The following ASH1L variants were observed in gnomAD, a reference collection of about 807,000 sequenced individuals.
ASH1L encodes the protein ASH1 like histone lysine methyltransferase, also known as histone-lysine N-methyltransferase ASH1L.
In ASH1L, 23 loss-of-function variants were observed where a neutral mutation model predicts 269.0. That is an observed-to-expected ratio of 0.09 (90% CI 0.06 to 0.12). The LOEUF (loss-of-function observed/expected upper bound fraction) is 0.12, where lower values mean the gene tolerates loss of function less well. ASH1L is among the 10% of genes least tolerant of loss of function. The probability of loss-of-function intolerance (pLI) is 1.00; values close to 1 mark genes in which losing one functional copy is unlikely to be tolerated. For synonymous variants in ASH1L, 1,187 were observed against 1,253.5 expected (o/e 0.95, Z 1.12); for missense variants, 2,912 against 3,567.8 (o/e 0.82, Z 4.68).
intron 1 of ASH1L, among the ~76,000 whole-genome samples, chr1:155,522,718 G>A (rs1310902159): frequency 1.4e-5 from 2 of 146,220 alleles, no homozygotes; most frequent in Non-Finnish European, 3.0e-5. Flanking sequence ...ATGGAGTCTC[G>A]CTCTGTCGCC....
chr1:155,562,987 G>C (rs1429409952), upstream of ASH1L: 1 of 457,938 alleles, frequency 2.2e-6, no homozygotes, highest in East Asian at 6.9e-5. Context: ...GCAGGGGCAG[G>C]AGAGGAAGGG....
chr1:155,543,808 T>A (rs557190476), intron 1 of ASH1L, among the ~76,000 whole-genome samples: 1 of 152,048 alleles, frequency 6.6e-6, no homozygotes, highest in South Asian at 2.1e-4. Context: ...GATATGCACC[T>A]GTAGTCCCAG....
chr1:155,518,681 C>CG (rs1668657924), intron 2 of ASH1L, among the ~76,000 whole-genome samples: 1 of 5,216 alleles, frequency 1.9e-4, no homozygotes, highest in African/African-American at 9.7e-4. Context: ...AGCTTGAGAA[C>CG]GGGGGCGGTG....
chr1:155,380,446 CTTCA>C (rs1295797991), intron 7 of ASH1L, among the ~76,000 whole-genome samples: 7 of 152,016 alleles, frequency 4.6e-5, no homozygotes, highest in Non-Finnish European at 1.0e-4. Flanking sequence ...GGCACCTGCT[CTTCA>C]TTATTACACA....
At chr1:155,426,053 T>C (rs1344394621) in intron 5 of ASH1L, among the ~76,000 whole-genome samples, 3 of 151,848 alleles carry the variant, frequency 2.0e-5, no homozygotes, top group Non-Finnish European at 4.4e-5. Context: ...CATGCCCGGC[T>C]AATTTTATTT....
Position 155,335,803 on chromosome 1 carries a change from C to G in ASH1L, c.*1857G>C, listed in dbSNP as rs535858205. The G allele has an allele frequency of 6.6e-6, 1 of 152,164 alleles. No individual in the cohort carries two copies. Among genetic ancestry groups the G allele is most frequent in the African/African-American group, 2.4e-5 (1 of 41,218 alleles). 9.4% of individuals were successfully genotyped at this position (152,164 alleles called of 1,614,324 possible). A position where few individuals can be genotyped will look rare whatever the true frequency, so the allele number is the denominator to read the frequency against. The stretch of plus-strand genomic sequence containing the variant: ...TTTTTTAAAATTTTAGTGTTTAACA[C>G]TATAAAGGAAACATTGAATTTTAAT... On this transcript the variant is annotated 3_prime_UTR_variant, in exon 28 of 28. Coordinates refer to ENST00000392403, the MANE Select transcript of ASH1L (RefSeq NM_018489.3).
At position 155,364,595 on chromosome 1, in the gene ASH1L, A is replaced by G. The variant is rs184839450; in HGVS notation, c.6687-4186T>C. Among the ~76,000 whole-genome samples the G allele has an allele frequency of 3.6e-4, 55 of 152,092 alleles. 1 individual carries two copies. The highest frequency in any genetic ancestry group is 3.4e-3 in the Middle Eastern group (1 of 294). ...ATTAAGCGCTGTTGTATATTTATTG[A>G]CCACTTTGATATTCTTTTTTAAAGT... On this transcript the variant is annotated intron_variant, in intron 12 of 27. Coordinates refer to ENST00000392403, the MANE Select transcript of ASH1L (RefSeq NM_018489.3).
chr1:155,525,155 G>A (rs1429738031), intron 1 of ASH1L, among the ~76,000 whole-genome samples: 1 of 152,062 alleles, frequency 6.6e-6, no homozygotes, highest in Admixed American at 6.5e-5. Context: ...GATGAGGCAA[G>A]AAGATGGCTG....
intron 3 of ASH1L, among the ~76,000 whole-genome samples, chr1:155,464,035 G>A (rs569468273): frequency 3.3e-5 from 5 of 152,296 alleles, no homozygotes; most frequent in East Asian, 1.9e-4. Flanking sequence ...CCCAAGAGAT[G>A]AGTCAGAACC....
intron 10 of ASH1L, 152 bp from the exon 11 acceptor site, chr1:155,371,135 G>A: frequency 1.4e-6 from 1 of 719,512 alleles, no homozygotes; most frequent in East Asian, 2.7e-5. Flanking sequence ...AATAATAAAT[G>A]TCAAAAATTA....
At chr1:155,448,942 GT>G (rs557498390) in intron 4 of ASH1L, among the ~76,000 whole-genome samples, 15 of 143,252 alleles carry the variant, frequency 1.0e-4, no homozygotes, top group East Asian at 2.0e-4. Flanking sequence ...GTGTGTGTGT[GT>G]TTTTTTTTTT....
intron 2 of ASH1L, among the ~76,000 whole-genome samples, chr1:155,489,309 T>C (rs967191844): frequency 1.3e-5 from 2 of 151,016 alleles, no homozygotes. Context: ...CCATCTCTAC[T>C]AAAAATACAA....
chr1:155,466,814 G>A (rs747806473), intron 3 of ASH1L, among the ~76,000 whole-genome samples: 2 of 152,106 alleles, frequency 1.3e-5, no homozygotes, highest in African/African-American at 4.8e-5. Flanking sequence ...CCTTCTAACT[G>A]TTGCATAGGT....
At position 155,521,285 on chromosome 1, in the gene ASH1L, T is replaced by C. The variant is rs747697097; in HGVS notation, c.235A>G (p.Asn79Asp). The C allele has an allele frequency of 1.9e-6, 3 of 1,614,196 alleles. No homozygotes were observed. The highest frequency in any genetic ancestry group is 2.5e-6 in the Non-Finnish European group (3 of 1,180,036). Reference protein sequence around the residue: ...AQQQFSVKETNFSEGNLKLKI... With the variant: ...AQQQFSVKETDFSEGNLKLKI... ...AATTTTAAATTTCCCTCTGAAAAGT[T>C]TGTTTCTTTCACTGAAAACTGTTGC... Residue 79 changes from asparagine (N) to aspartate (D), a missense_variant, in exon 2 of 28, where the codon AAC (asparagine) becomes GAC (aspartate). This residue lies in a region of ASH1L where 115 missense variants were observed against 101.5 expected (regional missense o/e 1.13). Transcript: ENST00000392403.
intron 5 of ASH1L, among the ~76,000 whole-genome samples, chr1:155,420,536 G>C (rs1261333893): frequency 6.6e-6 from 1 of 150,616 alleles, no homozygotes; most frequent in African/African-American, 2.4e-5. Context: ...GTACATAAGA[G>C]TATAAACAAA....
intron 4 of ASH1L, among the ~76,000 whole-genome samples, chr1:155,448,466 T>C (rs541912263): frequency 6.6e-6 from 1 of 152,276 alleles, no homozygotes; most frequent in African/African-American, 2.4e-5. Context: ...AGCTAAGACT[T>C]CAGGCACAGG....
chr1:155,437,144 G>A (rs1662167294), intron 5 of ASH1L, among the ~76,000 whole-genome samples: 1 of 152,122 alleles, frequency 6.6e-6, no homozygotes, highest in Admixed American at 6.6e-5. Context: ...TACGTCAAAA[G>A]ACAGCATAAA....
At chr1:155,513,665 T>C (rs2148823689) in intron 2 of ASH1L, among the ~76,000 whole-genome samples, 1 of 151,770 alleles carries the variant, frequency 6.6e-6, no homozygotes, top group Non-Finnish European at 1.5e-5. Flanking sequence ...GACCAAAAAT[T>C]CCACTTCCAC....
rs778579310 is a variant in ASH1L at position 155,521,585 on chromosome 1, A to C, written c.-66T>G. On this transcript the variant is annotated 5_prime_UTR_variant, in exon 2 of 28. Coordinates refer to ENST00000392403, the MANE Select transcript of ASH1L (RefSeq NM_018489.3). ...TACAGAACTGTGTTCCATAAAAAAC[A>C]AGGATCTCCAAAACTCGAAACCAGC... 125 of 1,458,260 alleles carry C rather than the reference A, an allele frequency of 8.6e-5. No homozygotes were observed. The highest frequency in any genetic ancestry group is 1.0e-4 in the Non-Finnish European group (108 of 1,083,498). The allele number at this position is 1,458,260 out of a possible 1,614,324, so 90.3% of individuals were successfully genotyped here. A position where few individuals can be genotyped will look rare whatever the true frequency, so the allele number is the denominator to read the frequency against.
Sources: gnomAD v4.1 joint callset for allele counts (sites outside exome capture counted in the v4.1 genomes callset) on GRCh38, gnomAD v4.1.1 for gene constraint, gnomAD v4.1.1 regional missense constraint, MANE v1.5 for transcripts, NCBI Gene and HGNC (gene_info 2026-07-23, HGNC 2026-07-21) for gene names.